Variants in INPP4A observed in about 807,000 individuals in gnomAD.
INPP4A encodes the protein inositol polyphosphate-4-phosphatase type I A.
A neutral mutation model predicts 119.8 loss-of-function variants in INPP4A; 33 were observed. That is an observed-to-expected ratio of 0.28 (90% CI 0.21 to 0.37). The LOEUF is 0.37. INPP4A is among the 10% of genes least tolerant of loss of function. The probability of loss-of-function intolerance (pLI) is 1.00; values close to 1 mark genes in which losing one functional copy is unlikely to be tolerated. For missense variants in INPP4A, 956 were observed against 1,289.9 expected (o/e 0.74, Z 3.97); for synonymous variants, 496 against 500.7 (o/e 0.99, Z 0.12).
chr2:98,477,957 T>C (rs1677596902), intron 1 of INPP4A, among the ~76,000 whole-genome samples: 5 of 152,204 alleles, frequency 3.3e-5, no homozygotes, highest in Admixed American at 3.3e-4. Flanking sequence ...TCTTCTGGCC[T>C]TTAAAATGGG....
chr2:98,541,766 G>A (rs113152450), intron 10 of INPP4A, among the ~76,000 whole-genome samples: 2,405 of 152,264 alleles, frequency 0.016, 66 homozygotes, highest in African/African-American at 0.055. Context: ...TTCATTTGTT[G>A]TAGAGACAGG....
chr2:98,560,569 T>G (rs1477125012), intron 17 of INPP4A, among the ~76,000 whole-genome samples: 6 of 152,240 alleles, frequency 3.9e-5, no homozygotes, highest in Non-Finnish European at 8.8e-5. Context: ...CAGTGTCGCT[T>G]TGAGCAGGCT....
chr2:98,568,037 G>T (rs1192579518), intron 21 of INPP4A, among the ~76,000 whole-genome samples: 1 of 152,210 alleles, frequency 6.6e-6, no homozygotes, highest in Non-Finnish European at 1.5e-5. Flanking sequence ...TGTTTCTTAG[G>T]CATTTGGCAC....
chr2:98,552,842 A>G lies in INPP4A; in HGVS notation c.1220A>G (p.Lys407Arg), dbSNP rs1330496608. The G allele has an allele frequency of 1.2e-6, 2 of 1,613,926 alleles. No individual in the cohort carries two copies. Among genetic ancestry groups the G allele is most frequent in the Admixed American group, 1.7e-5 (1 of 60,014 alleles). The change falls in exon 14 of 25, where the codon AAG (lysine) becomes AGG (arginine). Residue 407 changes from lysine to arginine, a missense_variant. Physicochemically the swap from Lys to Arg is conservative, Grantham distance 26. Around this residue, in one of 2 missense-constraint regions of INPP4A, gnomAD observed 652 missense variants for 797.9 expected, o/e 0.82. Transcript: ENST00000409851. The stretch of plus-strand genomic sequence containing the variant: ...ATACCCCAGGATGTTGTCAGAGCCA[A>G]GGAGATCATCGCCCAGATCAACACC... ...IYIPQDVVRAKEIIAQINTLK... is the reference protein window; with the variant it reads ...IYIPQDVVRAREIIAQINTLK...
In INPP4A at chr2:98,588,756, G is replaced by C; in HGVS notation, c.*1148G>C. Reference sequence around the variant, plus strand: ...GTCATCTTTTATAAGATGATGATGAGTCTTATCTGCACATAGCAGAGTTTG... The same window carrying C: ...GTCATCTTTTATAAGATGATGATGACTCTTATCTGCACATAGCAGAGTTTG... On this transcript the variant is annotated 3_prime_UTR_variant, in exon 25 of 25. Coordinates refer to ENST00000409851, the MANE Select transcript of INPP4A (RefSeq NM_001134225.2). The C allele has an allele frequency of 9.0e-6, 2 of 222,386 alleles. No individual in the cohort carries two copies. The highest frequency in any genetic ancestry group is 1.8e-5 in the Non-Finnish European group (2 of 111,452). 13.8% of individuals were successfully genotyped at this position (222,386 alleles called of 1,614,324 possible).
intron 1 of INPP4A, among the ~76,000 whole-genome samples, chr2:98,484,443 A>G (rs1010130111): frequency 2.6e-5 from 4 of 152,124 alleles, no homozygotes; most frequent in Non-Finnish European, 2.9e-5. Flanking sequence ...CTCAAAGTCC[A>G]GAATGCAGTC....
intron 21 of INPP4A, among the ~76,000 whole-genome samples, chr2:98,567,167 A>C (rs556039859): frequency 3.3e-5 from 5 of 152,178 alleles, no homozygotes; most frequent in African/African-American, 1.2e-4. Flanking sequence ...TGTGAGGAGG[A>C]GGCTGCTGGG....
Position 98,520,114 on chromosome 2 carries a change from C to T in INPP4A, c.66C>T (p.Thr22=). The change falls in exon 3 of 25, where the codon ACC becomes ACT. Residue 22 remains threonine, a synonymous_variant. Coordinates refer to ENST00000409851, the MANE Select transcript of INPP4A (RefSeq NM_001134225.2). ...CCCGTGCAATGCAGCGGGCTTCCAC[C>T]ATCGACGTGGCGGCCGACATGCTGG... ...ARARAMQRAS[T]IDVAADMLGL... is the part of the protein sequence containing the mutation. 4.5e-6 allele frequency: 7 copies of T among 1,570,776 alleles called. No homozygotes were observed. Among genetic ancestry groups the T allele is most frequent in the Non-Finnish European group, 6.1e-6 (7 of 1,156,782 alleles).
At chr2:98,483,501 C>CG (rs1230504252) in intron 1 of INPP4A, among the ~76,000 whole-genome samples, 1 of 152,160 alleles carries the variant, frequency 6.6e-6, no homozygotes, top group Non-Finnish European at 1.5e-5. Flanking sequence ...TGTTCCCCCC[C>CG]GGTCTTGTCT....
chr2:98,459,147 G>A (rs1273436999), intron 1 of INPP4A, among the ~76,000 whole-genome samples: 1 of 152,268 alleles, frequency 6.6e-6, no homozygotes, highest in Non-Finnish European at 1.5e-5. Context: ...AAGATGGATA[G>A]TTCAGGTCTG....
At position 98,592,184 on chromosome 2, in the gene INPP4A, C is replaced by T. The variant is rs1263751516; in HGVS notation, c.*4576C>T. On this transcript the variant is annotated 3_prime_UTR_variant, in exon 25 of 25. Coordinates refer to ENST00000409851, the MANE Select transcript of INPP4A (RefSeq NM_001134225.2). ...AACTCTCTTCTTCTTATCACTTTCT[C>T]CCCAAAATGTCCTCTTCTACCAGCC... is the stretch of plus-strand genomic sequence containing the variant. The T allele has an allele frequency of 6.6e-6, 1 of 152,302 alleles. No individual in the cohort carries two copies. Among genetic ancestry groups the T allele is most frequent in the African/African-American group, 2.4e-5 (1 of 41,446 alleles). The allele number at this position is 152,302 out of a possible 1,614,324, so 9.4% of individuals were successfully genotyped here. A position where few individuals can be genotyped will look rare whatever the true frequency, so the allele number is the denominator to read the frequency against.
At chr2:98,518,697 C>G (rs1686608310) in intron 1 of INPP4A, among the ~76,000 whole-genome samples, 1 of 152,248 alleles carries the variant, frequency 6.6e-6, no homozygotes, top group Admixed American at 6.5e-5. Context: ...TCCCCCTAAA[C>G]CACACCCAGC....
intron 1 of INPP4A, among the ~76,000 whole-genome samples, chr2:98,480,795 C>G (rs1048755766): frequency 6.6e-6 from 1 of 152,246 alleles, no homozygotes; most frequent in Non-Finnish European, 1.5e-5. Context: ...GAATCTTCCA[C>G]TAGCCTGTCT....
rs2106583194 is a variant in INPP4A at position 98,592,645 on chromosome 2, C to T, written c.*5037C>T. The T allele has an allele frequency of 6.6e-6, 1 of 152,306 alleles. No homozygotes were observed. Among genetic ancestry groups the T allele is most frequent in the African/African-American group, 2.4e-5 (1 of 41,550 alleles). The allele number at this position is 152,306 out of a possible 1,614,324, so 9.4% of individuals were successfully genotyped here. ...AAAAGATCTTTCATTCCTGTGAACA[C>T]CAAGCAGCGCGGCCTCTGGCAGAGA... On this transcript the variant is annotated 3_prime_UTR_variant, in exon 25 of 25. Transcript: ENST00000409851.
intron 13 of INPP4A, chr2:98,548,814 A>G (rs979048047): frequency 1.3e-5 from 10 of 746,020 alleles, no homozygotes; most frequent in Non-Finnish European, 1.8e-5. Flanking sequence ...TCATGATTGT[A>G]GTCATCCCTG....
At chr2:98,510,096 A>G (rs780630375) in intron 1 of INPP4A, among the ~76,000 whole-genome samples, 3 of 152,248 alleles carry the variant, frequency 2.0e-5, no homozygotes, top group Non-Finnish European at 4.4e-5. Flanking sequence ...GCAGTTGGAC[A>G]CAGACTGTGA....
chr2:98,590,555 T>C lies in INPP4A; in HGVS notation c.*2947T>C, dbSNP rs1306074726. On this transcript the variant is annotated 3_prime_UTR_variant, in exon 25 of 25. Coordinates refer to ENST00000409851, the MANE Select transcript of INPP4A (RefSeq NM_001134225.2). ...TGTTCATAAATGGTAGCCATTGTTG[T>C]TACCTTCCCGTCTGTGAACATGGAT... 4 of 196,322 alleles carry C rather than the reference T, an allele frequency of 2.0e-5. No homozygotes were observed. The highest frequency in any genetic ancestry group is 3.2e-5 in the Non-Finnish European group (3 of 94,816). The allele number at this position is 196,322 out of a possible 1,614,324, so 12.2% of individuals were successfully genotyped here.
At chr2:98,463,131 C>G (rs946915178) in intron 1 of INPP4A, among the ~76,000 whole-genome samples, 1 of 152,286 alleles carries the variant, frequency 6.6e-6, no homozygotes, top group South Asian at 2.1e-4. Flanking sequence ...CGTGAGCCAC[C>G]GCGCCCAGCC....
At chr2:98,556,708 C>G (rs1694556802) in intron 16 of INPP4A, among the ~76,000 whole-genome samples, 1 of 152,222 alleles carries the variant, frequency 6.6e-6, no homozygotes, top group Non-Finnish European at 1.5e-5. Context: ...TGGAGAACTT[C>G]CATTCAAGGT....
Sources: gnomAD v4.1 joint callset for allele counts (sites outside exome capture counted in the v4.1 genomes callset) on GRCh38, gnomAD v4.1.1 for gene constraint, gnomAD v4.1.1 regional missense constraint, MANE v1.5 for transcripts, NCBI Gene and HGNC (gene_info 2026-07-23, HGNC 2026-07-21) for gene names.